MUS81: variants seen among roughly 807,000 people sequenced by gnomAD.
MUS81 encodes the protein MUS81 structure-specific endonuclease subunit.
Under a neutral mutation model 74.2 loss-of-function variants are expected in MUS81, and 69 were observed. The ratio of observed to expected loss-of-function variants is 0.93; its 90% CI spans 0.77 to 1.14. The LOEUF (loss-of-function observed/expected upper bound fraction) is 1.14. MUS81 is among the 50% of genes most tolerant of loss of function. The probability of loss-of-function intolerance (pLI) is 0.00; values close to 1 mark genes in which losing one functional copy is unlikely to be tolerated. For synonymous variants in MUS81, 303 were observed against 300.6 expected (o/e 1.01, Z -0.08); for missense variants, 711 against 726.5 (o/e 0.98, Z 0.25).
At chr11:65,863,992 T>C in intron 10 of MUS81, 91 bp downstream of exon 10, 2 of 1,301,478 alleles carry the variant, frequency 1.5e-6, no homozygotes, top group South Asian at 1.2e-5. Flanking sequence ...GGCAGCCTCC[T>C]TGAGGCAGAG....
At position 65,863,494 on chromosome 11, in the gene MUS81, G is replaced by A. The variant is rs1429400641; in HGVS notation, c.831G>A (p.Glu277=). 1 of 1,614,084 alleles carries A rather than the reference G, an allele frequency of 6.2e-7. No homozygotes were observed. The highest frequency in any genetic ancestry group is 8.5e-7 in the Non-Finnish European group (1 of 1,180,034). The part of the protein sequence containing the change: ...YRVLLCVDIG[E]TRGGGHRPEL... ...TGCTGTTGTGTGTGGACATTGGCGA[G>A]ACCCGGGGGTGAGTGAGGTGGGGAG... Residue 277 remains glutamate (E), a synonymous_variant, in exon 8 of 16, where the codon GAG becomes GAA. Transcript: ENST00000308110.
At chr11:65,861,562 A>G in intron 3 of MUS81, 127 bp downstream of exon 3, 2 of 722,814 alleles carry the variant, frequency 2.8e-6, no homozygotes, top group Middle Eastern at 3.9e-4. Flanking sequence ...CAAATGACTT[A>G]TCCTCTTTTC....
intron 14 of MUS81, chr11:65,865,567 G>A: frequency 1.6e-6 from 1 of 625,186 alleles, no homozygotes; most frequent in Non-Finnish European, 2.8e-6. Context: ...AGGCTTCCTG[G>A]AGAAGGGGTT....
In MUS81 at chr11:65,866,009, G is replaced by C; in HGVS notation, c.1613G>C (p.Arg538Thr). 3 of 1,614,122 alleles carry C rather than the reference G, an allele frequency of 1.9e-6. No homozygotes were observed. Among genetic ancestry groups the C allele is most frequent in the Non-Finnish European group, 2.5e-6 (3 of 1,179,992 alleles). Residue 538 changes from arginine (R) to threonine (T), a missense_variant, in exon 16 of 16, where the codon AGG (arginine) becomes ACG (threonine). Arg to Thr is a moderately conservative substitution (Grantham distance 71). Transcript: ENST00000308110. Reference protein sequence around the residue: ...LQRNLGPALSRTLSQLYCSYG... With the variant: ...LQRNLGPALSTTLSQLYCSYG... ...AGGAATCTGGGGCCTGCTCTGAGCA[G>C]GACCTTATCCCAGCTCTACTGCAGC...
chr11:65,864,063 C>CA (rs1371925211), intron 10 of MUS81, 162 bp downstream of exon 10: 1 of 685,078 alleles, frequency 1.5e-6, no homozygotes, highest in African/African-American at 1.8e-5. Context: ...CCCACAGGCC[C>CA]ATCCAGGCGC....
downstream of MUS81, chr11:65,866,986 A>T: frequency 6.2e-7 from 1 of 1,614,050 alleles, no homozygotes; most frequent in Non-Finnish European, 8.5e-7. Flanking sequence ...CTCATGAGGG[A>T]ATTCATGGTG....
chr11:65,866,467 G>A (rs111402356), downstream of MUS81: 1 of 701,584 alleles, frequency 1.4e-6, no homozygotes, highest in Non-Finnish European at 2.6e-6. Context: ...TCGTTTTATA[G>A]AAAAACAGGC....
At position 65,866,190 on chromosome 11, in the gene MUS81, TG is replaced by T. The variant is rs766071369; in HGVS notation, c.*142del. 90 of 815,232 alleles carry T rather than the reference TG, an allele frequency of 1.1e-4. No individual in the cohort carries two copies. Among genetic ancestry groups the T allele is most frequent in the Non-Finnish European group, 7.0e-5 (37 of 527,404 alleles). 50.5% of individuals were successfully genotyped at this position (815,232 alleles called of 1,614,324 possible). A position where few individuals can be genotyped will look rare whatever the true frequency, so the allele number is the denominator to read the frequency against. On this transcript the variant is annotated 3_prime_UTR_variant, in exon 16 of 16. Coordinates refer to ENST00000308110, the MANE Select transcript of MUS81 (RefSeq NM_025128.5). ...GTGTCATGTAGAAGATGCCTAGCCC[TG>T]GGGACCTTGTGAAATACGCAGGAAC...
rs183635103 is a variant in MUS81, at chr11:65,860,508, G to A, written c.-246G>A. On this transcript the variant is annotated 5_prime_UTR_variant, in exon 1 of 16. Transcript: ENST00000308110. ...AAAGGCTGGCTGGAGTGGAGCCAAG[G>A]GAAAAGATCGTTAGAGACAGCGCCC... The A allele has an allele frequency of 1.5e-4, 87 of 591,360 alleles. No homozygotes were observed. Among genetic ancestry groups the A allele is most frequent in the African/African-American group, 1.2e-3 (63 of 53,742 alleles). 36.6% of individuals were successfully genotyped at this position (591,360 alleles called of 1,614,324 possible). A position where few individuals can be genotyped will look rare whatever the true frequency, so the allele number is the denominator to read the frequency against.
In MUS81 at chr11:65,866,091, C is replaced by A; in HGVS notation, c.*39C>A. 1 of 1,586,494 alleles carries A rather than the reference C, an allele frequency of 6.3e-7. No individual in the cohort carries two copies. Among genetic ancestry groups the A allele is most frequent in the Non-Finnish European group, 8.6e-7 (1 of 1,164,998 alleles). ...AACAGCCCCCAGCCCCCGTCTGTCCCCCAACCCAGGCTAGCCAGCCTTTTA... is the reference window on the plus strand; with the variant it reads ...AACAGCCCCCAGCCCCCGTCTGTCCACCAACCCAGGCTAGCCAGCCTTTTA... On this transcript the variant is annotated 3_prime_UTR_variant, in exon 16 of 16. Transcript: ENST00000308110.
In MUS81 at chr11:65,865,204, C is replaced by T; in HGVS notation, c.1402-16C>T. ...TGGCCCAGACCCCCACTGATCCAGC[C>T]CTTTCCCGAACCCAGGCCCAGTCGG... On this transcript the variant is annotated splice_polypyrimidine_tract_variant and intron_variant, in intron 13 of 15. Transcript: ENST00000308110. 1.2e-6 allele frequency: 2 copies of T among 1,614,164 alleles called. No homozygotes were observed. Among genetic ancestry groups the T allele is most frequent in the Non-Finnish European group, 1.7e-6 (2 of 1,180,006 alleles).
chr11:65,864,363 GAGAGGCTAGGGAGGATGC>G, intron 10 of MUS81, 116 bp from the exon 11 acceptor site: 3 of 746,976 alleles, frequency 4.0e-6, no homozygotes, highest in Non-Finnish European at 6.9e-6. Flanking sequence ...GAGGCAGGTG[GAGAGGCTAGGGAGGATGC>G]AGAGGCTAAC....
intron 14 of MUS81, 163 bp from the exon 15 acceptor site, chr11:65,865,648 G>A: frequency 1.3e-6 from 1 of 743,688 alleles, no homozygotes; most frequent in Non-Finnish European, 2.2e-6. Context: ...CCCACAGGGA[G>A]GGAGGACAGC....
chr11:65,861,219 C>G, intron 2 of MUS81, 117 bp downstream of exon 2: 3 of 1,564,476 alleles, frequency 1.9e-6, no homozygotes, highest in Non-Finnish European at 2.6e-6. Flanking sequence ...GCCGTTCGGC[C>G]TAGGGCTAGT....
At position 65,860,516 on chromosome 11, in the gene MUS81, T is replaced by G. The variant is rs764496131; in HGVS notation, c.-238T>G. ...GCTGGAGTGGAGCCAAGGGAAAAGA[T>G]CGTTAGAGACAGCGCCCCTGACCAA... On this transcript the variant is annotated 5_prime_UTR_variant, in exon 1 of 16. Transcript: ENST00000308110. The G allele has an allele frequency of 3.9e-5, 23 of 595,768 alleles. No individual in the cohort carries two copies. Among genetic ancestry groups the G allele is most frequent in the Non-Finnish European group, 6.6e-5 (22 of 334,110 alleles). 36.9% of individuals were successfully genotyped at this position (595,768 alleles called of 1,614,324 possible).
intron 6 of MUS81, among the ~76,000 whole-genome samples, chr11:65,862,862 C>T (rs1407327712): frequency 1.3e-5 from 2 of 152,266 alleles, no homozygotes; most frequent in Non-Finnish European, 2.9e-5. Flanking sequence ...CTGAGACACA[C>T]TTCTTGCAGA....
At chr11:65,862,151 A>T (rs1859631771) in intron 4 of MUS81, 60 bp from the exon 5 acceptor site, 2 of 1,593,450 alleles carry the variant, frequency 1.3e-6, no homozygotes, top group Middle Eastern at 2.0e-4. Context: ...CAGCCACCTG[A>T]GCGGGATGAG....
chr11:65,865,151 G>C lies in MUS81; in HGVS notation c.1401+6G>C. ...CAGGAGCCATCAAGAATAAGGTACTGTCTCTGCCTAGCTTCTCAGACATGG... is the reference window on the plus strand; with the variant it reads ...CAGGAGCCATCAAGAATAAGGTACTCTCTCTGCCTAGCTTCTCAGACATGG... On this transcript the variant is annotated splice_donor_region_variant and intron_variant, in intron 13 of 15. Coordinates refer to ENST00000308110, the MANE Select transcript of MUS81 (RefSeq NM_025128.5). 6.2e-7 allele frequency: 1 copy of C among 1,614,222 alleles called. No individual in the cohort carries two copies. The highest frequency in any genetic ancestry group is 8.5e-7 in the Non-Finnish European group (1 of 1,180,034).
rs648732 is a variant in MUS81 at position 65,863,696 on chromosome 11, C to T, written c.936C>T (p.Ala312=). ...ACGTTGGAGATTTTGTGTGGGTGGC[C>T]CAGGAGACCAATCCTAGAGACCCAG... ...KLHVGDFVWV[A]QETNPRDPAN... Residue 312 remains alanine, a synonymous_variant, in exon 9 of 16, where the codon GCC becomes GCT. Coordinates refer to ENST00000308110, the MANE Select transcript of MUS81 (RefSeq NM_025128.5). 1,012,412 of 1,613,678 alleles carry T rather than the reference C, an allele frequency of 0.63. 328,564 individuals are homozygous for T. Among genetic ancestry groups the T allele is most frequent in the Middle Eastern group, 0.7 (4,249 of 6,062 alleles).
Sources: gnomAD v4.1 joint callset for allele counts (sites outside exome capture counted in the v4.1 genomes callset) on GRCh38, gnomAD v4.1.1 for gene constraint, MANE v1.5 for transcripts, NCBI Gene and HGNC (gene_info 2026-07-23, HGNC 2026-07-21) for gene names.